SOCS4: variants seen among roughly 807,000 people sequenced by gnomAD.
SOCS4 encodes suppressor of cytokine signaling 4.
SOCS4 carries 20 observed loss-of-function variants against 34.1 expected under a neutral mutation model. The ratio of observed to expected loss-of-function variants is 0.59; its 90% CI spans 0.41 to 0.85. The LOEUF (loss-of-function observed/expected upper bound fraction) is 0.85. Among genes scored for constraint, SOCS4 ranks in the 40% least tolerant of loss-of-function variants. SOCS4 has a pLI of 0.00. For synonymous variants in SOCS4, 180 were observed against 186.4 expected, an observed-to-expected ratio of 0.97 and a Z score of 0.28; for missense variants, 479 against 532.4, an observed-to-expected ratio of 0.90 and a Z score of 0.99.
intron 2 of SOCS4, among the ~76,000 whole-genome samples, chr14:55,033,257 TTC>T (rs1283037485): frequency 1.3e-5 from 2 of 152,194 alleles, no homozygotes; most frequent in Non-Finnish European, 2.9e-5. Flanking sequence ...AAAATAATTT[TTC>T]TCTCACTAAA....
At chr14:55,032,426 A>T (rs1371468864) in intron 2 of SOCS4, among the ~76,000 whole-genome samples, 4 of 152,184 alleles carry the variant, frequency 2.6e-5, no homozygotes, top group Non-Finnish European at 5.9e-5. Context: ...TTGTGGTAGA[A>T]CCTGGGACCA....
chr14:55,043,099 C>A lies in SOCS4; in HGVS notation c.58C>A (p.Arg20=). 6.2e-7 allele frequency: 1 copy of A among 1,613,800 alleles called. No homozygotes were observed. The highest frequency in any genetic ancestry group is 1.1e-5 in the South Asian group (1 of 91,034). The change falls in exon 3 of 3, where the codon CGG becomes AGG. Residue 20 remains arginine, a synonymous_variant. Coordinates refer to ENST00000555846, the MANE Select transcript of SOCS4 (RefSeq NM_199421.2). ...KNVDVRPKTS[R]SRSADRKDGY... ...TGTAGATGTAAGGCCCAAAACTAGTCGGAGCAGAAGTGCCGACAGAAAAGA... is the reference window on the plus strand; with the variant it reads ...TGTAGATGTAAGGCCCAAAACTAGTAGGAGCAGAAGTGCCGACAGAAAAGA...
At chr14:55,037,935 A>G (rs1407585013) in intron 2 of SOCS4, among the ~76,000 whole-genome samples, 2 of 152,204 alleles carry the variant, frequency 1.3e-5, no homozygotes, top group Non-Finnish European at 2.9e-5. Flanking sequence ...CATATATGTT[A>G]GAAGCTTTCC....
rs569459881 is a variant in SOCS4 at position 55,045,875 on chromosome 14, A to G, written c.*1511A>G. 22 of 167,054 alleles carry G rather than the reference A, an allele frequency of 1.3e-4. No individual in the cohort carries two copies. The highest frequency in any genetic ancestry group is 2.6e-4 in the Admixed American group (4 of 15,284). 10.3% of individuals were successfully genotyped at this position (167,054 alleles called of 1,614,324 possible). A position where few individuals can be genotyped will look rare whatever the true frequency, so the allele number is the denominator to read the frequency against. ...CATAAACTTCCAAGTTAGAACAAAT[A>G]TTTCTTCATTATTGTTGCTTTTATG... On this transcript the variant is annotated 3_prime_UTR_variant, in exon 3 of 3. Transcript: ENST00000555846.
intron 2 of SOCS4, among the ~76,000 whole-genome samples, chr14:55,038,398 G>A (rs1426817264): frequency 6.6e-6 from 1 of 152,210 alleles, no homozygotes; most frequent in Non-Finnish European, 1.5e-5. Context: ...GTGGATATGT[G>A]TGCTTCACTG....
At position 55,049,061 on chromosome 14, in the gene SOCS4, C is replaced by T. The variant is rs2042703007; in HGVS notation, c.*4697C>T. 6.0e-6 allele frequency: 1 copy of T among 166,772 alleles called. No homozygotes were observed. The highest frequency in any genetic ancestry group is 1.5e-5 in the Non-Finnish European group (1 of 68,108). The allele number at this position is 166,772 out of a possible 1,614,324, so 10.3% of individuals were successfully genotyped here. ...ATTAGAGGAACAATTGCAGTTTCCT[C>T]CTACCCTTCATATGGTCTGTGTAAA... On this transcript the variant is annotated 3_prime_UTR_variant, in exon 3 of 3. Coordinates refer to ENST00000555846, the MANE Select transcript of SOCS4 (RefSeq NM_199421.2).
Position 55,048,479 on chromosome 14 carries a change from A to G in SOCS4, c.*4115A>G, listed in dbSNP as rs191951099. 1 of 166,954 alleles carries G rather than the reference A, an allele frequency of 6.0e-6. No individual in the cohort carries two copies. Among genetic ancestry groups the G allele is most frequent in the African/African-American group, 2.4e-5 (1 of 41,468 alleles). 10.3% of individuals were successfully genotyped at this position (166,954 alleles called of 1,614,324 possible). A position where few individuals can be genotyped will look rare whatever the true frequency, so the allele number is the denominator to read the frequency against. ...CAAACTACTGTTTCTACTTTGGGGGAAAAAAGTCAGTTTTACATTTGTAAT... is the reference window on the plus strand; with the variant it reads ...CAAACTACTGTTTCTACTTTGGGGGGAAAAAGTCAGTTTTACATTTGTAAT... On this transcript the variant is annotated 3_prime_UTR_variant, in exon 3 of 3. Coordinates refer to ENST00000555846, the MANE Select transcript of SOCS4 (RefSeq NM_199421.2).
rs2042659288 is a variant in SOCS4 at position 55,044,782 on chromosome 14, T to C, written c.*418T>C. 6.0e-6 allele frequency: 1 copy of C among 167,492 alleles called. No individual in the cohort carries two copies. Among genetic ancestry groups the C allele is most frequent in the Non-Finnish European group, 1.5e-5 (1 of 68,436 alleles). 10.4% of individuals were successfully genotyped at this position (167,492 alleles called of 1,614,324 possible). On this transcript the variant is annotated 3_prime_UTR_variant, in exon 3 of 3. Transcript: ENST00000555846. The stretch of plus-strand genomic sequence containing the variant: ...TCCTACATGTAAAATATTTTGTTAA[T>C]CTATGCCATTAGTAGTATTATATAT...
At chr14:55,032,151 G>A (rs2042534294) in intron 2 of SOCS4, among the ~76,000 whole-genome samples, 160 bp downstream of exon 2, 2 of 152,190 alleles carry the variant, frequency 1.3e-5, no homozygotes, top group African/African-American at 2.4e-5. Flanking sequence ...GGTGTTAGAT[G>A]TATGTCAGCA....
intron 2 of SOCS4, among the ~76,000 whole-genome samples, chr14:55,034,274 C>T (rs2042553306): frequency 6.6e-6 from 1 of 152,202 alleles, no homozygotes; most frequent in African/African-American, 2.4e-5. Context: ...TCTGACAATG[C>T]ATGATGGTAA....
At position 55,044,365 on chromosome 14, in the gene SOCS4, T is replaced by C. The variant is rs781224906; in HGVS notation, c.*1T>C. The stretch of plus-strand genomic sequence containing the variant: ...TGATGCACCAGAACAGCAATGCTAG[T>C]AACAGGATGGGAACATGGGAATGAT... On this transcript the variant is annotated 3_prime_UTR_variant, in exon 3 of 3. Coordinates refer to ENST00000555846, the MANE Select transcript of SOCS4 (RefSeq NM_199421.2). 2 of 1,592,856 alleles carry C rather than the reference T, an allele frequency of 1.3e-6. No individual in the cohort carries two copies. Among genetic ancestry groups the C allele is most frequent in the South Asian group, 2.2e-5 (2 of 89,068 alleles).
chr14:55,029,757 AT>A (rs1711836037), intron 1 of SOCS4, among the ~76,000 whole-genome samples: 1 of 152,200 alleles, frequency 6.6e-6, no homozygotes, highest in Non-Finnish European at 1.5e-5. Context: ...CACTTTAGAA[AT>A]GTGAAGATTT....
intron 1 of SOCS4, among the ~76,000 whole-genome samples, chr14:55,028,710 C>G (rs1023612265): frequency 1.3e-5 from 2 of 152,184 alleles, no homozygotes; most frequent in Non-Finnish European, 2.9e-5. Flanking sequence ...TCTTATCAAT[C>G]AAGCCATTTG....
At chr14:55,027,602 A>T (rs2042476325) in intron 1 of SOCS4, 131 bp downstream of exon 1, 1 of 152,452 alleles carries the variant, frequency 6.6e-6, no homozygotes, top group African/African-American at 2.4e-5. Context: ...GGGCCCAGTT[A>T]GCAGACAGAT....
At chr14:55,028,481 A>C (rs1187876) in intron 1 of SOCS4, among the ~76,000 whole-genome samples, 1 of 151,800 alleles carries the variant, frequency 6.6e-6, no homozygotes, top group Non-Finnish European at 1.5e-5. Flanking sequence ...CGTTCAAGTA[A>C]CAATATCATT....
At chr14:55,034,344 A>G (rs2042553939) in intron 2 of SOCS4, among the ~76,000 whole-genome samples, 1 of 152,224 alleles carries the variant, frequency 6.6e-6, no homozygotes, top group Non-Finnish European at 1.5e-5. Flanking sequence ...AAATATAAAT[A>G]GAAAAATTTT....
At chr14:55,035,021 C>T (rs1291283954) in intron 2 of SOCS4, among the ~76,000 whole-genome samples, 2 of 152,114 alleles carry the variant, frequency 1.3e-5, no homozygotes, top group African/African-American at 2.4e-5. Flanking sequence ...CCACCACACC[C>T]GGCTAATTTT....
At chr14:55,027,890 A>G (rs1293011234) in intron 1 of SOCS4, 6 of 152,246 alleles carry the variant, frequency 3.9e-5, no homozygotes, top group African/African-American at 1.4e-4. Flanking sequence ...AACCAAAAGA[A>G]GAGTTATAAC....
chr14:55,033,512 C>G (rs1238048383), intron 2 of SOCS4, among the ~76,000 whole-genome samples: 1 of 152,154 alleles, frequency 6.6e-6, no homozygotes, highest in Non-Finnish European at 1.5e-5. Context: ...TAAGCAGTTA[C>G]TTTCTCAGTA....
Sources: gnomAD v4.1 joint callset for allele counts (sites outside exome capture counted in the v4.1 genomes callset) on GRCh38, gnomAD v4.1.1 for gene constraint, MANE v1.5 for transcripts, NCBI Gene and HGNC (gene_info 2026-07-23, HGNC 2026-07-21) for gene names.